Variants in SAG observed in about 807,000 individuals in gnomAD.
SAG encodes S-antigen visual arrestin, also known as S-arrestin.
A neutral mutation model predicts 55.0 loss-of-function variants in SAG; 45 were observed. The ratio of observed to expected loss-of-function variants is 0.82; its 90% confidence interval spans 0.64 to 1.05. SAG has a LOEUF of 1.05. Among genes scored for constraint, SAG ranks in the 50% least tolerant of loss-of-function variants. SAG has a pLI of 0.00. For missense variants in SAG, 455 were observed against 512.1 expected, an observed-to-expected ratio of 0.89 and a Z score of 1.08; for synonymous variants, 189 against 197.4, an observed-to-expected ratio of 0.96 and a Z score of 0.36.
chr2:233,319,620 G>A lies in SAG; in HGVS notation c.181+825G>A, dbSNP rs866295402. 7.1e-6 allele frequency: 7 copies of A among 986,888 alleles called. No individual in the cohort carries two copies. Among genetic ancestry groups the A allele is most frequent in the Middle Eastern group, 1.0e-3 (2 of 1,916 alleles). 61.1% of individuals were successfully genotyped at this position (986,888 alleles called of 1,614,324 possible). A position where few individuals can be genotyped will look rare whatever the true frequency, so the allele number is the denominator to read the frequency against. ...GCATGGCTGAAATGGGGCCCCAAAC[G>A]GCCCCCTCTGTCCTCTCCACCTTCC... On this transcript the variant is annotated intron_variant, in intron 4 of 15. Coordinates refer to ENST00000409110, the MANE Select transcript of SAG (RefSeq NM_000541.5). The surrounding 1 kb of genome is among the most constrained non-coding windows in gnomAD (Gnocchi z 4.4).
At chr2:233,333,555 T>G (rs559142784) in intron 10 of SAG, 3 of 152,344 alleles carry the variant, frequency 2.0e-5, no homozygotes, top group African/African-American at 7.2e-5. Context: ...GCCCTGTGGC[T>G]TCTGGGGCTT....
At chr2:233,336,376 G>A (rs1480632970) in intron 11 of SAG, among the ~76,000 whole-genome samples, 1 of 152,112 alleles carries the variant, frequency 6.6e-6, no homozygotes, top group South Asian at 2.1e-4. Context: ...TTAGCCAGGT[G>A]TGGTGGTGGG....
chr2:233,308,410 T>A (rs1574922110), intron 1 of SAG, among the ~76,000 whole-genome samples: 2 of 151,886 alleles, frequency 1.3e-5, no homozygotes, highest in South Asian at 4.2e-4. Context: ...GAGGCTGCGG[T>A]GAGCTATGAT....
intron 2 of SAG, among the ~76,000 whole-genome samples, chr2:233,310,478 T>C (rs1028963172): frequency 6.6e-6 from 1 of 150,818 alleles, no homozygotes; most frequent in African/African-American, 2.4e-5. Flanking sequence ...GCTACCCTAC[T>C]GGACAGGGTA....
At position 233,327,183 on chromosome 2, in the gene SAG, C is replaced by G. The variant is rs1559443441; in HGVS notation, c.498C>G (p.Asp166Glu). The G allele has an allele frequency of 1.2e-6, 2 of 1,613,560 alleles. No individual in the cohort carries two copies. Among genetic ancestry groups the G allele is most frequent in the Non-Finnish European group, 1.7e-6 (2 of 1,179,606 alleles). ...CAGACAGCACCGATGCCGAAGAGGA[C>G]AAAATCCCCAAGAAGTAAGAGTATG... The part of the protein sequence containing the change: ...FATDSTDAEE[D>E]KIPKKSSVRL... Residue 166 changes from aspartate (D) to glutamate (E), a missense_variant, in exon 7 of 16, where the codon GAC (aspartate) becomes GAG (glutamate). Physicochemically the swap from Asp to Glu is conservative, Grantham distance 45 (BLOSUM62 2). Coordinates refer to ENST00000409110, the MANE Select transcript of SAG (RefSeq NM_000541.5).
At chr2:233,345,233 C>T (rs1296829609) in intron 14 of SAG, 1 of 152,226 alleles carries the variant, frequency 6.6e-6, no homozygotes, top group Non-Finnish European at 1.5e-5. Context: ...AACTCAACAA[C>T]AACAAAATCA....
intron 2 of SAG, among the ~76,000 whole-genome samples, chr2:233,314,110 T>C (rs1470412225): frequency 6.6e-6 from 1 of 151,672 alleles, no homozygotes; most frequent in Admixed American, 6.6e-5. Flanking sequence ...TAGTCCCAGC[T>C]ACCTGGGAGG....
chr2:233,319,801 A>G lies in SAG; in HGVS notation c.182-829A>G. On this transcript the variant is annotated intron_variant, in intron 4 of 15. Coordinates refer to ENST00000409110, the MANE Select transcript of SAG (RefSeq NM_000541.5). The surrounding 1 kb of genome is among the most constrained non-coding windows in gnomAD (Gnocchi z 4.4). ...GTCTCTGGGCACCTTCTTAGTCCTG[A>G]GCTTGAATGAGGGGCGAGTGAGTGG... is the stretch of plus-strand genomic sequence containing the variant. The G allele has an allele frequency of 1.0e-6, 1 of 985,282 alleles. No homozygotes were observed. Among genetic ancestry groups the G allele is most frequent in the Non-Finnish European group, 1.2e-6 (1 of 829,836 alleles). 61.0% of individuals were successfully genotyped at this position (985,282 alleles called of 1,614,324 possible).
intron 6 of SAG, among the ~76,000 whole-genome samples, 200 bp from the exon 7 acceptor site, chr2:233,326,921 G>T (rs1700576283): frequency 6.6e-6 from 1 of 152,230 alleles, no homozygotes; most frequent in Non-Finnish European, 1.5e-5. Flanking sequence ...TTGGGCCCAT[G>T]GCACACTCCT....
intron 2 of SAG, 139 bp downstream of exon 2, chr2:233,309,403 C>T: frequency 1.4e-6 from 1 of 720,698 alleles, no homozygotes. Context: ...GTAATCCCAG[C>T]ACTTTGGGAG....
In SAG at chr2:233,318,765, G is replaced by A. The variant is rs1254690708; in HGVS notation, c.151G>A (p.Val51Ile). 2 of 1,613,788 alleles carry A rather than the reference G, an allele frequency of 1.2e-6. No individual in the cohort carries two copies. The highest frequency in any genetic ancestry group is 1.1e-5 in the South Asian group (1 of 91,088). Residue 51 changes from valine (V) to isoleucine (I), a missense_variant, in exon 4 of 16, where the codon GTT (valine) becomes ATT (isoleucine). By Grantham distance (29) the Val-to-Ile change is conservative (BLOSUM62 3). Transcript: ENST00000409110. ...TTTTGCCTTAGATGGTGTCGTGTTGGTTGATCCTGATCTTGTGAAGGGAAA... is the reference window on the plus strand; with the variant it reads ...TTTTGCCTTAGATGGTGTCGTGTTGATTGATCCTGATCTTGTGAAGGGAAA... ...QVQPVDGVVL[V>I]DPDLVKGKKV...
chr2:233,331,590 C>A, intron 9 of SAG, 50 bp from the exon 10 acceptor site: 1 of 1,205,504 alleles, frequency 8.3e-7, no homozygotes, highest in Non-Finnish European at 1.2e-6. Flanking sequence ...GGAAAGTGCA[C>A]GTGTTGGGGG....
intron 6 of SAG, among the ~76,000 whole-genome samples, chr2:233,326,768 G>A (rs565599404): frequency 6.6e-6 from 1 of 152,256 alleles, no homozygotes; most frequent in South Asian, 2.1e-4. Flanking sequence ...GTAGGCAGTG[G>A]AAGTCAGTAA....
Position 233,319,381 on chromosome 2 carries a change from A to C in SAG, c.181+586A>C, listed in dbSNP as rs1342828743. Among the ~76,000 whole-genome samples the C allele has an allele frequency of 6.6e-6, 1 of 152,164 alleles. No individual in the cohort carries two copies. Among genetic ancestry groups the C allele is most frequent in the Non-Finnish European group, 1.5e-5 (1 of 68,030 alleles). On this transcript the variant is annotated intron_variant, in intron 4 of 15. Coordinates refer to ENST00000409110, the MANE Select transcript of SAG (RefSeq NM_000541.5). This position sits in a 1 kb window ranked among gnomAD's most constrained non-coding sequence, Gnocchi z 4.4. Reference sequence around the variant, plus strand: ...CACGGCGCCCTTGAAGATTTCTGGCAGTTTTGATGTGTGTGGTAAGTAATT... The same window carrying C: ...CACGGCGCCCTTGAAGATTTCTGGCCGTTTTGATGTGTGTGGTAAGTAATT...
In SAG at chr2:233,340,891, G is replaced by T. The variant is rs749871716; in HGVS notation, c.1046+413G>T. ...TGCAGTGACGTGATCTCGGCTCACC[G>T]TGACCTCCACTTCCTGGGTTCAGGC... On this transcript the variant is annotated intron_variant, in intron 13 of 15. Coordinates refer to ENST00000409110, the MANE Select transcript of SAG (RefSeq NM_000541.5). The surrounding 1 kb of genome is among the most constrained non-coding windows in gnomAD (Gnocchi z 4.2). Among the ~76,000 whole-genome samples, 2 of 152,090 alleles carry T rather than the reference G, an allele frequency of 1.3e-5. No individual in the cohort carries two copies. Among genetic ancestry groups the T allele is most frequent in the East Asian group, 3.8e-4 (2 of 5,200 alleles).
chr2:233,317,753 G>A (rs937494060), intron 3 of SAG, among the ~76,000 whole-genome samples: 1 of 152,150 alleles, frequency 6.6e-6, no homozygotes, highest in African/African-American at 2.4e-5. Flanking sequence ...TCCATTCAAT[G>A]GAGTAATACA....
chr2:233,335,901 C>CACCT (rs1700910470), intron 11 of SAG, among the ~76,000 whole-genome samples: 1 of 152,202 alleles, frequency 6.6e-6, no homozygotes, highest in South Asian at 2.1e-4. Context: ...AGACCACCTC[C>CACCT]GAGGTGATGC....
chr2:233,331,790 A>ATTCTAGTTCCTTCTTC, intron 10 of SAG, 78 bp downstream of exon 10: 1 of 1,008,116 alleles, frequency 9.9e-7, no homozygotes, highest in Non-Finnish European at 1.6e-6. Flanking sequence ...ATTGCTGAAG[A>ATTCTAGTTCCTTCTTC]AGGAACTAGA....
At chr2:233,328,696 C>T (rs1220348743) in intron 8 of SAG, 83 bp downstream of exon 8, 8 of 1,426,040 alleles carry the variant, frequency 5.6e-6, no homozygotes, top group Non-Finnish European at 4.7e-6. Flanking sequence ...AGCCCCAGCC[C>T]TTAACTACAT....
Sources: gnomAD v4.1 joint callset for allele counts (sites outside exome capture counted in the v4.1 genomes callset) on GRCh38, gnomAD v4.1.1 for gene constraint, Gnocchi (gnomAD v3.1) non-coding constraint, MANE v1.5 for transcripts, NCBI Gene and HGNC (gene_info 2026-07-23, HGNC 2026-07-21) for gene names.